SIPA1L3: variants seen among roughly 807,000 people sequenced by gnomAD.
SIPA1L3 encodes the protein signal induced proliferation associated 1 like 3.
Under a neutral mutation model 150.1 loss-of-function variants are expected in SIPA1L3, and 59 were observed. The ratio of observed to expected loss-of-function variants is 0.39; its 90% CI spans 0.32 to 0.49. SIPA1L3 has a LOEUF of 0.49. Among genes scored for constraint, SIPA1L3 ranks in the 20% least tolerant of loss-of-function variants. The probability of loss-of-function intolerance (pLI) is 0.86; values close to 1 mark genes in which losing one functional copy is unlikely to be tolerated. For synonymous variants in SIPA1L3, 1,070 were observed against 1,077.6 expected, an observed-to-expected ratio of 0.99 and a Z score of 0.14; for missense variants, 2,211 against 2,489.5, an observed-to-expected ratio of 0.89 and a Z score of 2.38.
chr19:38,061,656 G>A (rs940942319), intron 2 of SIPA1L3, among the ~76,000 whole-genome samples: 1 of 152,024 alleles, frequency 6.6e-6, no homozygotes, highest in African/African-American at 2.4e-5. Context: ...GGGATGCAGA[G>A]GGGTAGGGGG....
At chr19:38,038,860 T>C (rs1968848781) in intron 2 of SIPA1L3, among the ~76,000 whole-genome samples, 1 of 152,184 alleles carries the variant, frequency 6.6e-6, no homozygotes, top group African/African-American at 2.4e-5. Flanking sequence ...GTATTATTTG[T>C]TTGCATTTCT....
intron 1 of SIPA1L3, among the ~76,000 whole-genome samples, chr19:37,935,213 A>G (rs553765418): frequency 3.4e-4 from 52 of 152,312 alleles, no homozygotes; most frequent in Admixed American, 1.5e-3. Context: ...AGAATAATTA[A>G]TAGATTCATC....
rs763391176 is a variant in SIPA1L3 at position 38,164,400 on chromosome 19, AGGCAGAGG to A, written c.3781-77_3781-70del. 1.8e-5 allele frequency: 25 copies of A among 1,383,532 alleles called. No individual in the cohort carries two copies. Among genetic ancestry groups the A allele is most frequent in the African/African-American group, 2.9e-5 (2 of 69,672 alleles). 85.7% of individuals were successfully genotyped at this position (1,383,532 alleles called of 1,614,324 possible). ...CTGTCTGGTCCCAGGGTTCAGGCCC[AGGCAGAGG>A]GAGGACCCGGCAAGGGAAGATGCGC... On this transcript the variant is annotated intron_variant, in intron 14 of 21. Transcript: ENST00000222345. The surrounding 1 kb of genome is among the most constrained non-coding windows in gnomAD (Gnocchi z 4.1).
At chr19:37,940,258 G>A (rs1196789032) in intron 1 of SIPA1L3, among the ~76,000 whole-genome samples, 1 of 150,492 alleles carries the variant, frequency 6.6e-6, no homozygotes, top group African/African-American at 2.5e-5. Flanking sequence ...TCCAGCCTGG[G>A]TGACAGGCTA....
intron 1 of SIPA1L3, among the ~76,000 whole-genome samples, chr19:37,927,691 G>GTT (rs1568466882): frequency 0.017 from 2,244 of 131,344 alleles, 56 homozygotes; most frequent in African/African-American, 0.059. Context: ...GTGTGTGTGT[G>GTT]TATGCAATGT....
In SIPA1L3 at chr19:38,104,042, C is replaced by T. The variant is rs117730769; in HGVS notation, c.2030-2495C>T. ...CACAGCTCCCTGGGGAATGGACTAC[C>T]ACTGTCCTTGGGAGTGGGTTTTCGT... On this transcript the variant is annotated intron_variant, in intron 6 of 21. Coordinates refer to ENST00000222345, the MANE Select transcript of SIPA1L3 (RefSeq NM_015073.3). 8.5e-3 allele frequency among the ~76,000 whole-genome samples: 1,297 copies of T among 152,130 alleles called. 14 individuals carry two copies. The highest frequency in any genetic ancestry group is 0.015 in the Non-Finnish European group (1,023 of 68,000).
chr19:38,005,039 A>G (rs920057090), intron 1 of SIPA1L3, among the ~76,000 whole-genome samples: 3 of 151,970 alleles, frequency 2.0e-5, no homozygotes, highest in African/African-American at 7.3e-5. Flanking sequence ...CTCCGGACTA[A>G]CCGGGGCCGA....
intron 3 of SIPA1L3, among the ~76,000 whole-genome samples, chr19:38,083,938 G>A (rs1171306798): frequency 6.6e-6 from 1 of 151,246 alleles, no homozygotes; most frequent in Non-Finnish European, 1.5e-5. Flanking sequence ...TGTTGCGGTG[G>A]GCTGAGATCA....
At position 38,206,243 on chromosome 19, in the gene SIPA1L3, T is replaced by C. The variant is rs1257013498; in HGVS notation, c.*3T>C. The C allele has an allele frequency of 4.5e-6, 7 of 1,546,816 alleles. No homozygotes were observed. Among genetic ancestry groups the C allele is most frequent in the Non-Finnish European group, 5.3e-6 (6 of 1,142,626 alleles). On this transcript the variant is annotated 3_prime_UTR_variant, in exon 22 of 22. Coordinates refer to ENST00000222345, the MANE Select transcript of SIPA1L3 (RefSeq NM_015073.3). ...GCAGGGAGAAGAAGGAGCTCTGAGG[T>C]GGGAGGCCGCCGCCCGCCTTCGCTC...
At chr19:38,083,131 G>A in intron 3 of SIPA1L3, 32 bp downstream of exon 3, 1 of 1,577,594 alleles carries the variant, frequency 6.3e-7, no homozygotes, top group Non-Finnish European at 8.6e-7. Flanking sequence ...GGAAGGTTGG[G>A]TGGGCCGAGG....
At chr19:38,090,819 C>T (rs953384378) in intron 4 of SIPA1L3, among the ~76,000 whole-genome samples, 6 of 152,214 alleles carry the variant, frequency 3.9e-5, no homozygotes, top group African/African-American at 1.2e-4. Flanking sequence ...GGAGTGCCCT[C>T]GCCCCATCCC....
chr19:38,163,294 A>C (rs1005931797), intron 14 of SIPA1L3, among the ~76,000 whole-genome samples: 3 of 152,172 alleles, frequency 2.0e-5, no homozygotes, highest in African/African-American at 7.2e-5. Context: ...GTTCGAGACC[A>C]GCCTGGGCAA....
rs112932960 is a variant in SIPA1L3 at position 38,040,930 on chromosome 19, T to C, written c.-311+11774T>C. Among the ~76,000 whole-genome samples the C allele has an allele frequency of 2.4e-3, 360 of 151,600 alleles. 4 individuals are homozygous for C. Among genetic ancestry groups the C allele is most frequent in the African/African-American group, 8.6e-3 (357 of 41,320 alleles). Reference sequence around the variant, plus strand: ...CGCCCACCACCACGCCCAGCTAATTTTTTTGAATTTTTTTAGTAGAGACGG... The same window carrying C: ...CGCCCACCACCACGCCCAGCTAATTCTTTTGAATTTTTTTAGTAGAGACGG... On this transcript the variant is annotated intron_variant, in intron 2 of 21. Coordinates refer to ENST00000222345, the MANE Select transcript of SIPA1L3 (RefSeq NM_015073.3).
At chr19:38,124,995 A>AGAGAGGGAGAGGGAGCCCGTGGGGAGAGG (rs1971138947) in intron 9 of SIPA1L3, among the ~76,000 whole-genome samples, 3 of 103,074 alleles carry the variant, frequency 2.9e-5, no homozygotes, top group African/African-American at 4.9e-5. Flanking sequence ...GACTGTGGAA[A>AGAGAGGGAGAGGGAGCCCGTGGGGAGAGG]GAGAGGGAGA....
At chr19:38,144,188 G>A (rs562851135) in intron 12 of SIPA1L3, among the ~76,000 whole-genome samples, 2 of 152,336 alleles carry the variant, frequency 1.3e-5, no homozygotes, top group South Asian at 4.1e-4. Flanking sequence ...TCCTGACTGT[G>A]GCCTTGAGCA....
At chr19:38,187,715 C>CAAAAAAAAA (rs34187992) in intron 16 of SIPA1L3, among the ~76,000 whole-genome samples, 8 of 59,530 alleles carry the variant, frequency 1.3e-4, no homozygotes, top group Admixed American at 4.6e-4. Flanking sequence ...GACTCCGTCT[C>CAAAAAAAAA]AAAAAAAAAA....
intron 1 of SIPA1L3, among the ~76,000 whole-genome samples, chr19:38,019,615 C>T (rs1252709575): frequency 1.3e-5 from 2 of 152,130 alleles, no homozygotes; most frequent in Non-Finnish European, 2.9e-5. Flanking sequence ...ATTTCCTGCC[C>T]ACAGTACCCA....
chr19:38,014,327 G>A (rs1968177057), intron 1 of SIPA1L3, among the ~76,000 whole-genome samples: 1 of 152,152 alleles, frequency 6.6e-6, no homozygotes, highest in South Asian at 2.1e-4. Flanking sequence ...GAACTAAGCG[G>A]AGTTTGGTGA....
At chr19:37,931,692 G>T (rs1385001560) in intron 1 of SIPA1L3, among the ~76,000 whole-genome samples, 1 of 152,210 alleles carries the variant, frequency 6.6e-6, no homozygotes, top group Non-Finnish European at 1.5e-5. Context: ...GGAGGTTGCA[G>T]TGAGCTGAGA....
Sources: allele counts gnomAD v4.1 joint callset (sites outside exome capture counted in the v4.1 genomes callset), GRCh38; gene constraint gnomAD v4.1.1; non-coding constraint Gnocchi (gnomAD v3.1); transcripts MANE v1.5; gene names NCBI Gene and HGNC (gene_info 2026-07-23, HGNC 2026-07-21).